Variants in AGBL1 observed in about 807,000 individuals in gnomAD.
AGBL1 encodes AGBL carboxypeptidase 1.
A neutral mutation model predicts 118.9 loss-of-function variants in AGBL1; 130 were observed. The ratio of observed to expected loss-of-function variants is 1.09; its 90% CI spans 0.95 to 1.26. The LOEUF (loss-of-function observed/expected upper bound fraction) is 1.26. Ranked by LOEUF, AGBL1 falls within the 50% of genes most tolerant of loss-of-function variation. The pLI is 0.00. For synonymous variants in AGBL1, 555 were observed against 478.9 expected, an observed-to-expected ratio of 1.16 and a Z score of -2.08; for missense variants, 1,584 against 1,298.1, an observed-to-expected ratio of 1.22 and a Z score of -3.38.
intron 22 of AGBL1, among the ~76,000 whole-genome samples, chr15:86,821,068 C>G (rs2078936550): frequency 6.6e-6 from 1 of 151,942 alleles, no homozygotes; most frequent in Non-Finnish European, 1.5e-5. Flanking sequence ...TCTCAGCAAA[C>G]TAATGGGAAC....
At position 86,410,839 on chromosome 15, in the gene AGBL1, T is replaced by A. The variant is rs560124579; in HGVS notation, c.2555+13293T>A. ...ATATATATATATATATATATATATA[T>A]ATAATATACTATTTTATATATAAAA... On this transcript the variant is annotated intron_variant, in intron 18 of 22. Coordinates refer to ENST00000614907, the MANE Select transcript of AGBL1 (RefSeq NM_001386094.1). Among the ~76,000 whole-genome samples, 242 of 67,972 alleles carry A rather than the reference T, an allele frequency of 3.6e-3. 4 individuals carry two copies. The highest frequency in any genetic ancestry group is 0.016 in the East Asian group (19 of 1,186). 44.6% of individuals were successfully genotyped at this position (67,972 alleles called of 152,430 possible).
At chr15:86,679,630 C>G (rs1476639643) in intron 22 of AGBL1, among the ~76,000 whole-genome samples, 1 of 147,280 alleles carries the variant, frequency 6.8e-6, no homozygotes, top group Non-Finnish European at 1.5e-5. Flanking sequence ...CACCATAAAC[C>G]TAACTTCAAA....
intron 5 of AGBL1, among the ~76,000 whole-genome samples, chr15:86,176,940 G>T (rs1198179755): frequency 6.6e-6 from 1 of 152,154 alleles, no homozygotes; most frequent in East Asian, 1.9e-4. Flanking sequence ...ACACAGAGCT[G>T]TTCTTAATCC....
chr15:86,943,719 C>T (rs1230781049), intron 23 of AGBL1, among the ~76,000 whole-genome samples: 1 of 152,168 alleles, frequency 6.6e-6, no homozygotes, highest in African/African-American at 2.4e-5. Context: ...CCAGGTATCC[C>T]TTTTCTATTG....
intron 3 of AGBL1, among the ~76,000 whole-genome samples, chr15:86,148,051 G>C (rs1394318555): frequency 6.6e-6 from 1 of 152,204 alleles, no homozygotes; most frequent in East Asian, 1.9e-4. Context: ...TGACTGTCAG[G>C]AGGAAAGCTA....
At chr15:86,881,756 C>G (rs1359873714) in intron 22 of AGBL1, among the ~76,000 whole-genome samples, 2 of 152,164 alleles carry the variant, frequency 1.3e-5, no homozygotes, top group Non-Finnish European at 2.9e-5. Flanking sequence ...CTGCCTCAGC[C>G]TCCCAAGTAG....
intron 23 of AGBL1, among the ~76,000 whole-genome samples, chr15:86,934,534 T>TA (rs5814265): frequency 0.67 from 99,370 of 148,962 alleles, 33,562 homozygotes; most frequent in South Asian, 0.85. Context: ...TTATATAGGT[T>TA]AAAAAAAAAA....
chr15:86,651,082 C>T (rs1046473022), intron 21 of AGBL1, among the ~76,000 whole-genome samples: 3 of 152,124 alleles, frequency 2.0e-5, no homozygotes, highest in Admixed American at 6.6e-5. Context: ...CCTATATTCC[C>T]CCAACATACA....
intron 23 of AGBL1, among the ~76,000 whole-genome samples, chr15:86,979,112 A>C (rs4606685): frequency 0.74 from 112,079 of 152,038 alleles, 41,418 homozygotes; most frequent in South Asian, 0.86. Flanking sequence ...TTTCATCTAA[A>C]CTGTCATTAA....
intron 22 of AGBL1, among the ~76,000 whole-genome samples, chr15:86,714,151 G>A (rs1009951445): frequency 1.3e-5 from 2 of 152,062 alleles, no homozygotes; most frequent in Non-Finnish European, 2.9e-5. Flanking sequence ...GGAAAGGGGT[G>A]CATATAAACA....
chr15:86,918,276 G>A (rs150635303), downstream of AGBL1, among the ~76,000 whole-genome samples: 11 of 152,322 alleles, frequency 7.2e-5, no homozygotes, highest in African/African-American at 2.4e-4. Flanking sequence ...AAGTCTGGGA[G>A]ATAGTTAGCA....
downstream of AGBL1, among the ~76,000 whole-genome samples, chr15:86,920,353 A>T (rs574356777): frequency 6.6e-6 from 1 of 152,240 alleles, no homozygotes; most frequent in South Asian, 2.1e-4. Context: ...TGATGCTTTG[A>T]ATCTCTTTTA....
At chr15:86,120,016 A>G (rs1383132587) in intron 1 of AGBL1, among the ~76,000 whole-genome samples, 1 of 152,178 alleles carries the variant, frequency 6.6e-6, no homozygotes, top group Non-Finnish European at 1.5e-5. Flanking sequence ...GCACTCATTC[A>G]TCTACTCATT....
intron 17 of AGBL1, among the ~76,000 whole-genome samples, chr15:86,355,074 G>A (rs942617275): frequency 6.6e-6 from 1 of 152,144 alleles, no homozygotes; most frequent in African/African-American, 2.4e-5. Context: ...TCTCCACCTA[G>A]CCTCCAAATA....
At chr15:86,879,888 T>G (rs542971104) in intron 22 of AGBL1, among the ~76,000 whole-genome samples, 2 of 152,288 alleles carry the variant, frequency 1.3e-5, no homozygotes, top group South Asian at 2.1e-4. Flanking sequence ...GGACCATGTC[T>G]TCTTGTCATT....
intron 19 of AGBL1, among the ~76,000 whole-genome samples, chr15:86,527,950 T>A (rs78390344): frequency 5.6e-4 from 85 of 152,310 alleles, no homozygotes; most frequent in Non-Finnish European, 8.1e-4. Context: ...CATTCATCCA[T>A]CCAACCACTT....
At chr15:86,898,256 T>A in intron 22 of AGBL1, among the ~76,000 whole-genome samples, 1 of 152,208 alleles carries the variant, frequency 6.6e-6, no homozygotes, top group East Asian at 1.9e-4. Flanking sequence ...GTTTGGTGTC[T>A]TTGTCATGAA....
chr15:86,282,630 T>TA lies in AGBL1; in HGVS notation c.2220+2855dup, dbSNP rs971328349. 3.3e-4 allele frequency among the ~76,000 whole-genome samples: 50 copies of TA among 152,184 alleles called. No individual in the cohort carries two copies. In the East Asian group the frequency reaches 3.9e-3, roughly 12 times the overall value. ...CAATAATTGACTCTGTGACTTCTCTTAAAAAAAACTTCCTCCCATCATGGA... is the reference window on the plus strand; with the variant it reads ...CAATAATTGACTCTGTGACTTCTCTTAAAAAAAAACTTCCTCCCATCATGGA... On this transcript the variant is annotated intron_variant, in intron 16 of 22. Transcript: ENST00000614907.
intron 1 of AGBL1, chr15:86,116,728 C>G (rs1897783427): frequency 1.3e-5 from 2 of 152,326 alleles, no homozygotes; most frequent in South Asian, 4.1e-4. Context: ...AGGAGTTACA[C>G]AGTCAGCTTC....
Sources: gnomAD v4.1 joint callset for allele counts (sites outside exome capture counted in the v4.1 genomes callset) on GRCh38, gnomAD v4.1.1 for gene constraint, MANE v1.5 for transcripts, NCBI Gene and HGNC (gene_info 2026-07-23, HGNC 2026-07-21) for gene names.